RALYL: variants seen among roughly 807,000 people sequenced by gnomAD.
RALYL encodes the protein RALY RNA binding protein like.
A neutral mutation model predicts 35.1 loss-of-function variants in RALYL; 29 were observed. The ratio of observed to expected loss-of-function variants is 0.83; its 90% CI spans 0.61 to 1.13. RALYL has a LOEUF of 1.13. Ranked by LOEUF, RALYL falls within the 50% of genes most tolerant of loss-of-function variation. The pLI, the probability that RALYL is intolerant of heterozygous loss-of-function variation, is 0.00. For synonymous variants in RALYL, 120 were observed against 127.6 expected (o/e 0.94, Z 0.40); for missense variants, 359 against 360.4 (o/e 1.00, Z 0.03).
intron 1 of RALYL, among the ~76,000 whole-genome samples, chr8:84,315,923 TAAC>T (rs1843677180): frequency 6.6e-6 from 1 of 152,026 alleles, no homozygotes; most frequent in Non-Finnish European, 1.5e-5. Context: ...GCTTTGGTAA[TAAC>T]AACCAAATAA....
chr8:84,539,556 C>T (rs2059846989), intron 2 of RALYL, among the ~76,000 whole-genome samples: 1 of 151,770 alleles, frequency 6.6e-6, no homozygotes, highest in South Asian at 2.1e-4. Context: ...ATGGTTTCTG[C>T]TTTTTCTGTC....
At chr8:84,375,994 G>A (rs551501645) in intron 1 of RALYL, among the ~76,000 whole-genome samples, 15 of 151,940 alleles carry the variant, frequency 9.9e-5, no homozygotes, top group Admixed American at 2.6e-4. Flanking sequence ...AACATTTTCC[G>A]AAAGTGAAAA....
rs373987903 is a variant in RALYL at position 84,366,459 on chromosome 8, A to T, written c.-23-162840A>T. ...GCAGTAGTGGGAGTGAAAATGAAATATCAGAGATGGAAAAGGATGTTTAAA... is the reference window on the plus strand; with the variant it reads ...GCAGTAGTGGGAGTGAAAATGAAATTTCAGAGATGGAAAAGGATGTTTAAA... On this transcript the variant is annotated intron_variant, in intron 1 of 8. Transcript: ENST00000521268. Among the ~76,000 whole-genome samples, 167 of 152,250 alleles carry T rather than the reference A, an allele frequency of 1.1e-3. 5 individuals carry two copies. In the South Asian group the frequency reaches 0.033, roughly 30 times the overall value.
chr8:84,410,122 GT>G (rs1287099075), intron 1 of RALYL, among the ~76,000 whole-genome samples: 5 of 151,832 alleles, frequency 3.3e-5, no homozygotes, highest in Non-Finnish European at 7.4e-5. Flanking sequence ...TCAGATGTAG[GT>G]TTTTAATTGT....
At chr8:84,782,075 T>C (rs1242828481) in intron 3 of RALYL, among the ~76,000 whole-genome samples, 1 of 151,706 alleles carries the variant, frequency 6.6e-6, no homozygotes, top group African/African-American at 2.4e-5. Context: ...GTTTTAAAGC[T>C]GATGCCATTT....
chr8:84,785,367 A>C (rs983607885), intron 3 of RALYL, among the ~76,000 whole-genome samples: 3 of 152,214 alleles, frequency 2.0e-5, no homozygotes, highest in Admixed American at 6.5e-5. Flanking sequence ...GATTATAAAA[A>C]AAAATCAACC....
At chr8:84,894,386 C>G (rs1844386004) in intron 8 of RALYL, among the ~76,000 whole-genome samples, 1 of 152,196 alleles carries the variant, frequency 6.6e-6, no homozygotes, top group African/African-American at 2.4e-5. Context: ...AAGTAGTACT[C>G]AATCTGTTGG....
chr8:84,664,468 G>A (rs2131705017), intron 2 of RALYL, among the ~76,000 whole-genome samples: 1 of 152,042 alleles, frequency 6.6e-6, no homozygotes, highest in Non-Finnish European at 1.5e-5. Flanking sequence ...CCATGAGCAT[G>A]GAATGTGTTT....
chr8:84,340,943 T>A (rs1848673479), intron 1 of RALYL, among the ~76,000 whole-genome samples: 1 of 152,072 alleles, frequency 6.6e-6, no homozygotes, highest in Admixed American at 6.6e-5. Flanking sequence ...TACTGTATAA[T>A]GGTTCCAGTT....
intron 2 of RALYL, among the ~76,000 whole-genome samples, chr8:84,682,475 G>A (rs531480181): frequency 3.9e-5 from 6 of 152,090 alleles, no homozygotes; most frequent in African/African-American, 7.2e-5. Context: ...GGTCCTGGAC[G>A]TTTTTTGGTT....
chr8:84,619,450 A>G (rs1178743188), intron 2 of RALYL, among the ~76,000 whole-genome samples: 2 of 146,480 alleles, frequency 1.4e-5, no homozygotes, highest in Non-Finnish European at 3.0e-5. Context: ...TGCTTGGTAG[A>G]TCTTCCTCCA....
chr8:84,363,153 C>A (rs1390229654), intron 1 of RALYL, among the ~76,000 whole-genome samples: 2 of 152,144 alleles, frequency 1.3e-5, no homozygotes, highest in Admixed American at 1.3e-4. Flanking sequence ...CCCATGAGGA[C>A]AAACTGGGAC....
chr8:84,426,436 CTCTGTGTG>C (rs1212836238), intron 1 of RALYL, among the ~76,000 whole-genome samples: 30 of 130,880 alleles, frequency 2.3e-4, no homozygotes, highest in Admixed American at 1.6e-3. Flanking sequence ...CTCTCTCTCT[CTCTGTGTG>C]TGTGTGTGTG....
intron 1 of RALYL, among the ~76,000 whole-genome samples, chr8:84,188,623 A>T (rs1219028693): frequency 2.0e-5 from 3 of 152,170 alleles, no homozygotes; most frequent in Non-Finnish European, 2.9e-5. Flanking sequence ...ATTCAATAAC[A>T]TGTAAGTAAT....
rs376098219 is a variant in RALYL, at chr8:84,419,197, C to T, written c.-23-110102C>T. Among the ~76,000 whole-genome samples, 21 of 152,238 alleles carry T rather than the reference C, an allele frequency of 1.4e-4. No individual in the cohort carries two copies. In the East Asian group the frequency reaches 4.1e-3, roughly 29 times the overall value. ...TACTATTAATTTATTCTTGTGGTCTCCTTGTATATTCACAGAGGACTTTGC... is the reference window on the plus strand; with the variant it reads ...TACTATTAATTTATTCTTGTGGTCTTCTTGTATATTCACAGAGGACTTTGC... On this transcript the variant is annotated intron_variant, in intron 1 of 8. Coordinates refer to ENST00000521268, the MANE Select transcript of RALYL (RefSeq NM_173848.7).
At chr8:84,370,319 A>T (rs1464599501) in intron 1 of RALYL, among the ~76,000 whole-genome samples, 2 of 152,056 alleles carry the variant, frequency 1.3e-5, no homozygotes, top group Admixed American at 1.3e-4. Flanking sequence ...GAGCATCCTA[A>T]CCTACTGAAC....
At chr8:84,730,105 C>G (rs904321842) in intron 2 of RALYL, among the ~76,000 whole-genome samples, 1 of 152,104 alleles carries the variant, frequency 6.6e-6, no homozygotes, top group African/African-American at 2.4e-5. Context: ...AGACCAATAT[C>G]CTTGATGAAC....
intron 3 of RALYL, among the ~76,000 whole-genome samples, chr8:84,777,184 A>G (rs1489350610): frequency 1.3e-5 from 2 of 152,234 alleles, no homozygotes; most frequent in Non-Finnish European, 2.9e-5. Context: ...TTTGTTCAAG[A>G]CAAGATCACA....
chr8:84,348,862 G>C (rs759831900), intron 1 of RALYL, among the ~76,000 whole-genome samples: 2 of 149,950 alleles, frequency 1.3e-5, no homozygotes, highest in Non-Finnish European at 3.0e-5. Context: ...TTCTGGGCCA[G>C]GGTTAGGGTT....
Sources: gnomAD v4.1 joint callset for allele counts (sites outside exome capture counted in the v4.1 genomes callset) on GRCh38, gnomAD v4.1.1 for gene constraint, MANE v1.5 for transcripts, NCBI Gene and HGNC (gene_info 2026-07-23, HGNC 2026-07-21) for gene names.